Variants in SUGT1 observed in about 807,000 individuals in gnomAD.
SUGT1 encodes SGT1 assembly cochaperone of MIS12 kinetochore complex, also known as protein SGT1 homolog.
Under a neutral mutation model 56.1 loss-of-function variants are expected in SUGT1, and 15 were observed. That is an observed-to-expected ratio of 0.27 (90% CI 0.18 to 0.41). SUGT1 has a LOEUF of 0.41. Ranked by LOEUF, SUGT1 falls within the 10% of genes least tolerant of loss-of-function variation. SUGT1 has a pLI of 1.00. For missense variants in SUGT1, 347 were observed against 382.2 expected (o/e 0.91, Z 0.77); for synonymous variants, 123 against 128.6 (o/e 0.96, Z 0.30).
In SUGT1 at chr13:52,690,020, G is replaced by A. The variant is rs916103741; in HGVS notation, c.*2185G>A. 4.6e-5 allele frequency: 7 copies of A among 152,122 alleles called. No homozygotes were observed. The highest frequency in any genetic ancestry group is 8.8e-5 in the Non-Finnish European group (6 of 67,982). The allele number at this position is 152,122 out of a possible 1,614,324, so 9.4% of individuals were successfully genotyped here. A position where few individuals can be genotyped will look rare whatever the true frequency, so the allele number is the denominator to read the frequency against. On this transcript the variant is annotated 3_prime_UTR_variant, in exon 13 of 13. Coordinates refer to ENST00000310528, the MANE Select transcript of SUGT1 (RefSeq NM_006704.5). ...GGTACTATCTTTAGTTGGTTTTAAA[G>A]GATATATTATCTAGAATATGCTTAC...
rs1962222412 is a variant in SUGT1, at chr13:52,657,456, T to TA, written c.97-71dup. 10 of 1,256,028 alleles carry TA rather than the reference T, an allele frequency of 8.0e-6. No individual in the cohort carries two copies. The South Asian group carries it at 1.2e-4, about 14-fold the overall frequency. The allele number at this position is 1,256,028 out of a possible 1,614,324, so 77.8% of individuals were successfully genotyped here. A position where few individuals can be genotyped will look rare whatever the true frequency, so the allele number is the denominator to read the frequency against. ...AGCTTCTGACAATAAGTTACTTGAT[T>TA]AAAAATTATGTTTTAATTAGAATTT... On this transcript the variant is annotated intron_variant, in intron 2 of 12. Coordinates refer to ENST00000310528, the MANE Select transcript of SUGT1 (RefSeq NM_006704.5).
Position 52,694,011 on chromosome 13 carries a change from C to T in SUGT1, c.*6176C>T, listed in dbSNP as rs558569085. 7.9e-5 allele frequency: 12 copies of T among 152,102 alleles called. No homozygotes were observed. Among genetic ancestry groups the T allele is most frequent in the East Asian group, 3.9e-4 (2 of 5,174 alleles). 9.4% of individuals were successfully genotyped at this position (152,102 alleles called of 1,614,324 possible). On this transcript the variant is annotated 3_prime_UTR_variant, in exon 13 of 13. Coordinates refer to ENST00000310528, the MANE Select transcript of SUGT1 (RefSeq NM_006704.5). ...ATTAATAATAGAATATACAATATACCGCAATAAAACTTATGTGAACAGTTA... is the reference window on the plus strand; with the variant it reads ...ATTAATAATAGAATATACAATATACTGCAATAAAACTTATGTGAACAGTTA...
At chr13:52,687,068 C>CAAAAG (rs1963619515) in intron 12 of SUGT1, 1 of 64,850 alleles carries the variant, frequency 1.5e-5, no homozygotes, top group Admixed American at 2.7e-4. Flanking sequence ...AACTCCGTCT[C>CAAAAG]AAAAAAAAAA....
intron 7 of SUGT1, among the ~76,000 whole-genome samples, chr13:52,663,433 C>T (rs1962551475): frequency 6.6e-6 from 1 of 152,104 alleles, no homozygotes; most frequent in Non-Finnish European, 1.5e-5. Context: ...CAGTTTGAAT[C>T]ACTTGTAGGG....
chr13:52,683,784 A>C (rs1283854864), intron 12 of SUGT1, among the ~76,000 whole-genome samples: 1 of 152,162 alleles, frequency 6.6e-6, no homozygotes, highest in East Asian at 1.9e-4. Context: ...GGACTGTTCC[A>C]ATTATCTATT....
chr13:52,686,428 T>A (rs552310023), intron 12 of SUGT1, among the ~76,000 whole-genome samples: 2 of 152,162 alleles, frequency 1.3e-5, no homozygotes. Flanking sequence ...ATTGCAACAA[T>A]GCACTGTGAC....
At chr13:52,681,917 T>TACTC (rs34794890) in intron 12 of SUGT1, among the ~76,000 whole-genome samples, 129,897 of 135,814 alleles carry the variant, frequency 0.96, 62,163 homozygotes, top group East Asian at 0.99. Flanking sequence ...CTTATGGCCA[T>TACTC]ACTAACCCCA....
chr13:52,661,508 GTC>G (rs1432359445), intron 5 of SUGT1: 1 of 355,266 alleles, frequency 2.8e-6, no homozygotes, highest in Non-Finnish European at 5.5e-6. Context: ...GGCCAGGCTG[GTC>G]TCCAACTCTT....
intron 10 of SUGT1, among the ~76,000 whole-genome samples, chr13:52,673,854 C>G (rs1017775431): frequency 8.5e-5 from 13 of 152,134 alleles, no homozygotes; most frequent in Admixed American, 7.9e-4. Flanking sequence ...GTGTCATTGC[C>G]ATCTATTTGA....
intron 5 of SUGT1, 70 bp from the exon 6 acceptor site, chr13:52,662,579 A>C: frequency 1.3e-6 from 2 of 1,501,348 alleles, no homozygotes; most frequent in Non-Finnish European, 1.9e-6. Flanking sequence ...TGTAGTAGGT[A>C]TTCAGTAAGT....
At chr13:52,653,127 C>T in intron 2 of SUGT1, 24 bp downstream of exon 2, 3 of 1,613,966 alleles carry the variant, frequency 1.9e-6, no homozygotes, top group Admixed American at 1.7e-5. Flanking sequence ...TTTCTGCTTC[C>T]TCCACTCTTC....
At chr13:52,657,651 C>A in intron 3 of SUGT1, 29 bp downstream of exon 3, 1 of 1,571,168 alleles carries the variant, frequency 6.4e-7, no homozygotes, top group South Asian at 1.1e-5. Flanking sequence ...TATATTGCCC[C>A]CTTTTAATAA....
At chr13:52,677,361 G>T (rs1471631882) in intron 11 of SUGT1, among the ~76,000 whole-genome samples, 2 of 152,028 alleles carry the variant, frequency 1.3e-5, no homozygotes, top group African/African-American at 2.4e-5. Context: ...CAAAATCAGG[G>T]TATTAACACC....
chr13:52,664,938 T>G (rs1962629088), intron 8 of SUGT1, among the ~76,000 whole-genome samples: 3 of 152,154 alleles, frequency 2.0e-5, no homozygotes, highest in Admixed American at 2.0e-4. Context: ...CTCAGAGAGC[T>G]TTTAATCTAG....
chr13:52,671,090 A>G (rs149430306), intron 10 of SUGT1, among the ~76,000 whole-genome samples: 5 of 151,998 alleles, frequency 3.3e-5, no homozygotes, highest in African/African-American at 1.2e-4. Flanking sequence ...CCTGGTGATA[A>G]TATAATGGAA....
rs1435283438 is a variant in SUGT1 at position 52,694,576 on chromosome 13, G to C, written c.*6741G>C. 6.6e-6 allele frequency: 1 copy of C among 152,168 alleles called. No individual in the cohort carries two copies. Among genetic ancestry groups the C allele is most frequent in the Non-Finnish European group, 1.5e-5 (1 of 68,012 alleles). The allele number at this position is 152,168 out of a possible 1,614,324, so 9.4% of individuals were successfully genotyped here. ...TTCAATTTCAAAGCTCAAAACAGAA[G>C]GTAAAACTATTAGGATTTGTGAAAA... On this transcript the variant is annotated 3_prime_UTR_variant, in exon 13 of 13. Transcript: ENST00000310528.
intron 10 of SUGT1, among the ~76,000 whole-genome samples, chr13:52,668,543 A>G (rs1334139517): frequency 1.3e-5 from 2 of 152,200 alleles, no homozygotes; most frequent in Non-Finnish European, 2.9e-5. Context: ...CTGGTTAATT[A>G]TGAGGCAGAT....
rs1380081838 is a variant in SUGT1, at chr13:52,695,408, A to G, written c.*7573A>G. 2 of 152,142 alleles carry G rather than the reference A, an allele frequency of 1.3e-5. No individual in the cohort carries two copies. The highest frequency in any genetic ancestry group is 6.5e-5 in the Admixed American group (1 of 15,276). The allele number at this position is 152,142 out of a possible 1,614,324, so 9.4% of individuals were successfully genotyped here. ...AAATCCCAGTTCTGATACTTTCATA[A>G]TTGTGTGTTTTGAGGGCAAGTGACT... is the stretch of plus-strand genomic sequence containing the variant. On this transcript the variant is annotated 3_prime_UTR_variant, in exon 13 of 13. Transcript: ENST00000310528.
chr13:52,685,303 C>G (rs2138177644), intron 12 of SUGT1, among the ~76,000 whole-genome samples: 1 of 143,820 alleles, frequency 7.0e-6, no homozygotes, highest in East Asian at 2.1e-4. Flanking sequence ...CTATGTTGCC[C>G]AGGCTGTTCT....
Sources: allele counts gnomAD v4.1 joint callset (sites outside exome capture counted in the v4.1 genomes callset), GRCh38; gene constraint gnomAD v4.1.1; transcripts MANE v1.5; gene names NCBI Gene and HGNC (gene_info 2026-07-23, HGNC 2026-07-21).